The following TANC2 variants were observed in gnomAD, a reference collection of about 807,000 sequenced individuals.
TANC2 encodes the protein protein TANC2.
TANC2 carries 26 observed loss-of-function variants against 210.5 expected under a neutral mutation model. The observed-to-expected ratio is 0.12, with a 90% CI of 0.09 to 0.17. TANC2 has a LOEUF of 0.17. Ranked by LOEUF, TANC2 falls within the 10% of genes least tolerant of loss-of-function variation. TANC2 has a pLI of 1.00. For synonymous variants in TANC2, 931 were observed against 967.1 expected, an observed-to-expected ratio of 0.96 and a Z score of 0.69; for missense variants, 2,129 against 2,608.9, an observed-to-expected ratio of 0.82 and a Z score of 4.01.
chr17:62,972,767 A>C (rs1389624866), intron 1 of TANC2, among the ~76,000 whole-genome samples: 1 of 152,180 alleles, frequency 6.6e-6, no homozygotes, highest in East Asian at 1.9e-4. Flanking sequence ...TTCTGTCTTC[A>C]AAGTGCTTTA....
At chr17:63,210,987 C>A (rs75935894) in intron 7 of TANC2, among the ~76,000 whole-genome samples, 1 of 152,022 alleles carries the variant, frequency 6.6e-6, no homozygotes, top group Admixed American at 6.6e-5. Context: ...CTGAGAGGAG[C>A]CCTTGCCTCC....
Position 63,420,184 on chromosome 17 carries a change from A to G in TANC2, c.4454A>G (p.His1485Arg). ...GAAGAAGCAGAACCTGAGCCACAGC[A>G]TGAAGACATATACTCTGTACAGGAT... The change falls in exon 28 of 28, where the codon CAT (histidine) becomes CGT (arginine). Residue 1485 changes from histidine to arginine, a missense_variant. His to Arg is a conservative substitution (Grantham distance 29). Coordinates refer to ENST00000689528, the Ensembl canonical transcript of TANC2. This position sits in a 1 kb window ranked among gnomAD's most constrained non-coding sequence, Gnocchi z 4.2. The G allele has an allele frequency of 6.3e-7, 1 of 1,587,386 alleles. No homozygotes were observed. Among genetic ancestry groups the G allele is most frequent in the Middle Eastern group, 1.7e-4 (1 of 6,038 alleles).
intron 9 of TANC2, among the ~76,000 whole-genome samples, chr17:63,273,029 C>G (rs554184488): frequency 2.3e-4 from 35 of 152,252 alleles, no homozygotes; most frequent in African/African-American, 8.2e-4. Context: ...CCTGTAATCC[C>G]AGCACCTTAG....
intron 9 of TANC2, among the ~76,000 whole-genome samples, chr17:63,290,718 C>T (rs1477722517): frequency 4.6e-5 from 7 of 151,860 alleles, no homozygotes; most frequent in South Asian, 2.1e-4. Context: ...AATCTAGTGC[C>T]GCTTACTCCA....
At chr17:62,980,612 A>G (rs1427551911) in intron 1 of TANC2, among the ~76,000 whole-genome samples, 1 of 152,160 alleles carries the variant, frequency 6.6e-6, no homozygotes, top group Non-Finnish European at 1.5e-5. Context: ...TATCTTAGCC[A>G]TTCAACTCTG....
chr17:63,135,491 A>G (rs2145257749), intron 4 of TANC2, among the ~76,000 whole-genome samples: 1 of 152,274 alleles, frequency 6.6e-6, no homozygotes, highest in Non-Finnish European at 1.5e-5. Flanking sequence ...TTCAAAAGCC[A>G]TACATTTGAA....
intron 5 of TANC2, among the ~76,000 whole-genome samples, chr17:63,186,513 C>T (rs1282197623): frequency 2.0e-5 from 3 of 151,958 alleles, no homozygotes; most frequent in Admixed American, 1.3e-4. Context: ...CCAGCACACC[C>T]GGCTAATTTT....
intron 4 of TANC2, among the ~76,000 whole-genome samples, chr17:63,104,362 TA>T (rs1169767737): frequency 7.4e-4 from 112 of 152,254 alleles, no homozygotes; most frequent in African/African-American, 2.6e-3. Flanking sequence ...GAATTTATAT[TA>T]TTTACCCATT....
intron 1 of TANC2, among the ~76,000 whole-genome samples, chr17:62,982,920 G>T (rs192339768): frequency 1.4e-3 from 210 of 152,146 alleles, no homozygotes; most frequent in Admixed American, 2.7e-3. Context: ...CGTTCTTTTT[G>T]CTCAGAATTG....
chr17:63,194,018 C>A (rs1420055688), exon 6 of TANC2: 2 of 1,613,148 alleles, frequency 1.2e-6, no homozygotes, highest in Admixed American at 1.7e-5. Context: ...CTTGGCCCCC[C>A]TCCATCTGTA....
At chr17:63,365,873 T>C (rs1266919272) in intron 14 of TANC2, among the ~76,000 whole-genome samples, 3 of 152,048 alleles carry the variant, frequency 2.0e-5, no homozygotes, top group African/African-American at 7.3e-5. Context: ...CTCTTAATCA[T>C]AACATCCTTT....
intron 3 of TANC2, among the ~76,000 whole-genome samples, chr17:63,080,029 G>A (rs969409844): frequency 2.0e-5 from 3 of 152,098 alleles, no homozygotes; most frequent in Admixed American, 6.5e-5. Flanking sequence ...TTCCAATAGC[G>A]TATTATATAT....
chr17:63,183,096 A>C (rs1434576407), intron 5 of TANC2, among the ~76,000 whole-genome samples: 1 of 152,222 alleles, frequency 6.6e-6, no homozygotes, highest in Non-Finnish European at 1.5e-5. Flanking sequence ...TCAAAATAGT[A>C]AATCTCTGTA....
chr17:63,333,991 T>C (rs189224449), intron 11 of TANC2: 54 of 152,364 alleles, frequency 3.5e-4, no homozygotes, highest in African/African-American at 1.2e-3. Flanking sequence ...AACTTTTATA[T>C]GCACAGGGAA....
At chr17:63,387,678 A>ACTCT (rs1292545282) in intron 15 of TANC2, among the ~76,000 whole-genome samples, 1 of 152,222 alleles carries the variant, frequency 6.6e-6, no homozygotes, top group East Asian at 1.9e-4. Flanking sequence ...TGATCCAGAT[A>ACTCT]TTGACAGAAG....
chr17:63,339,921 G>A (rs912488962), intron 11 of TANC2, among the ~76,000 whole-genome samples, 180 bp from the exon 12 acceptor site: 9 of 152,074 alleles, frequency 5.9e-5, no homozygotes, highest in Non-Finnish European at 1.2e-4. Flanking sequence ...TAAATCAGAC[G>A]TTTTCTGAGT....
intron 14 of TANC2, among the ~76,000 whole-genome samples, chr17:63,365,913 T>A (rs79338052): frequency 6.6e-6 from 1 of 152,076 alleles, no homozygotes; most frequent in Non-Finnish European, 1.5e-5. Flanking sequence ...TATCACAATT[T>A]ATTATTAATT....
chr17:63,255,282 C>T (rs1010731121), intron 8 of TANC2, among the ~76,000 whole-genome samples: 10 of 151,600 alleles, frequency 6.6e-5, no homozygotes, highest in Non-Finnish European at 1.2e-4. Context: ...TTAGTAGAGA[C>T]GAGGTTTCAC....
At chr17:63,314,298 A>G in intron 9 of TANC2, 90 bp from the exon 10 acceptor site, 1 of 1,426,910 alleles carries the variant, frequency 7.0e-7, no homozygotes, top group Admixed American at 2.0e-5. Context: ...TGATAACTCA[A>G]GTCCCTAAAC....
Sources: allele counts gnomAD v4.1 joint callset (sites outside exome capture counted in the v4.1 genomes callset), GRCh38; gene constraint gnomAD v4.1.1; non-coding constraint Gnocchi (gnomAD v3.1); transcripts MANE v1.5; gene names NCBI Gene and HGNC (gene_info 2026-07-23, HGNC 2026-07-21).